ZNF438: variants seen among roughly 807,000 people sequenced by gnomAD.
The protein encoded by ZNF438 is zinc finger protein 438.
Under a neutral mutation model 38.0 loss-of-function variants are expected in ZNF438, and 25 were observed. The observed-to-expected ratio is 0.66, with a 90% CI of 0.48 to 0.92. ZNF438 has a LOEUF of 0.92. ZNF438 is among the 40% of genes least tolerant of loss of function. The pLI is 0.00. For synonymous variants in ZNF438, 372 were observed against 364.1 expected, an observed-to-expected ratio of 1.02 and a Z score of -0.25; for missense variants, 1,007 against 999.6, an observed-to-expected ratio of 1.01 and a Z score of -0.10.
At chr10:30,845,712 T>C (rs2031862669) in intron 5 of ZNF438, 139 bp from the exon 7 acceptor site, 3 of 984,748 alleles carry the variant, frequency 3.0e-6, no homozygotes, top group Non-Finnish European at 4.4e-6. Context: ...AGAGAGCACC[T>C]GGGAAGACCT....
chr10:30,997,914 C>T (rs2054217410), intron 1 of ZNF438, among the ~76,000 whole-genome samples: 1 of 152,014 alleles, frequency 6.6e-6, no homozygotes, highest in Non-Finnish European at 1.5e-5. Flanking sequence ...AAGACAGAGC[C>T]AGAGAGTCTG....
At chr10:30,984,141 A>T (rs1280776018) in intron 1 of ZNF438, among the ~76,000 whole-genome samples, 1 of 152,148 alleles carries the variant, frequency 6.6e-6, no homozygotes, top group African/African-American at 2.4e-5. Flanking sequence ...CATTGTAATT[A>T]TTATACAAAT....
intron 4 of ZNF438, among the ~76,000 whole-genome samples, chr10:30,868,073 AT>A (rs755296203): frequency 3.5e-4 from 52 of 149,624 alleles, no homozygotes; most frequent in East Asian, 3.1e-3. Context: ...TTTTTAAAGA[AT>A]TTTTTTTTTT....
intron 1 of ZNF438, among the ~76,000 whole-genome samples, chr10:30,959,148 A>G (rs2049185641): frequency 6.8e-6 from 1 of 147,434 alleles, no homozygotes; most frequent in Non-Finnish European, 1.5e-5. Flanking sequence ...TGGCTGGACC[A>G]CAGCACTCAG....
intron 1 of ZNF438, among the ~76,000 whole-genome samples, chr10:30,944,969 T>C (rs1178324459): frequency 6.6e-6 from 1 of 152,158 alleles, no homozygotes; most frequent in Non-Finnish European, 1.5e-5. Flanking sequence ...TTTATCAGTT[T>C]TGTTATTCTT....
chr10:31,015,196 A>AT (rs1281025181), intron 1 of ZNF438, among the ~76,000 whole-genome samples: 1 of 152,170 alleles, frequency 6.6e-6, no homozygotes, highest in Non-Finnish European at 1.5e-5. Context: ...TGTCATTATC[A>AT]TAGCTGTCTT....
chr10:30,907,432 G>A (rs2134447635), intron 3 of ZNF438, among the ~76,000 whole-genome samples: 1 of 152,294 alleles, frequency 6.6e-6, no homozygotes, highest in East Asian at 1.9e-4. Flanking sequence ...GTTTGTAAAG[G>A]ATTGGTATTA....
chr10:30,870,939 A>G (rs1488047012), intron 4 of ZNF438, among the ~76,000 whole-genome samples: 1 of 152,236 alleles, frequency 6.6e-6, no homozygotes, highest in Non-Finnish European at 1.5e-5. Flanking sequence ...GAGCCTAAAA[A>G]GAAGCATGTA....
At chr10:30,979,260 G>A (rs188778610) in intron 1 of ZNF438, among the ~76,000 whole-genome samples, 77 of 152,200 alleles carry the variant, frequency 5.1e-4, no homozygotes, top group Non-Finnish European at 6.0e-4. Context: ...TGCAGCTTAC[G>A]GAACAAAAAG....
intron 2 of ZNF438, among the ~76,000 whole-genome samples, chr10:30,938,269 TC>T (rs1349238990): frequency 8.6e-5 from 13 of 151,746 alleles, no homozygotes; most frequent in African/African-American, 3.1e-4. Context: ...GAATATCATT[TC>T]CTCTATAGCT....
At chr10:30,902,113 A>T (rs766554574) in intron 3 of ZNF438, among the ~76,000 whole-genome samples, 1 of 152,166 alleles carries the variant, frequency 6.6e-6, no homozygotes, top group African/African-American at 2.4e-5. Context: ...AAGCTTCCAC[A>T]GTGTGGAAGA....
At chr10:30,898,185 A>G (rs904514028) in intron 3 of ZNF438, among the ~76,000 whole-genome samples, 5 of 152,180 alleles carry the variant, frequency 3.3e-5, no homozygotes, top group African/African-American at 1.2e-4. Flanking sequence ...AATTGGAAAG[A>G]AAAATGACTT....
rs778031047 is a variant in ZNF438, at chr10:30,845,541, AG to A, written c.1906del (p.Leu636PhefsTer2). ...TTTGACTTCGTCTGCCTGGTTTAGA[AG>A]GAAGTCTTCTTCCAGGTTGGACTTG... On this transcript the variant is annotated frameshift_variant, in exon 6 of 6. Coordinates refer to ENST00000413025, the Ensembl canonical transcript of ZNF438. LOFTEE classifies it low-confidence loss of function (END_TRUNC). The A allele has an allele frequency of 1.5e-5, 25 of 1,613,022 alleles. No homozygotes were observed. The highest frequency in any genetic ancestry group is 1.9e-5 in the Non-Finnish European group (23 of 1,179,590).
chr10:30,922,982 A>G (rs186878872), intron 2 of ZNF438, among the ~76,000 whole-genome samples: 36 of 152,338 alleles, frequency 2.4e-4, no homozygotes, highest in African/African-American at 7.7e-4. Context: ...TAAGTGTAAC[A>G]CTCATTTGAT....
At chr10:30,848,799 T>C (rs773532712) in exon 5 of ZNF438, 6 of 1,614,040 alleles carry the variant, frequency 3.7e-6, no homozygotes, top group South Asian at 2.2e-5. Context: ...ATCCGACAAC[T>C]GTAAGGGCGT....
At chr10:30,857,687 A>G in intron 4 of ZNF438, 1 of 1,507,502 alleles carries the variant, frequency 6.6e-7, no homozygotes, top group Non-Finnish European at 8.9e-7. Context: ...TACTATCCAT[A>G]GGACTCTGAG....
chr10:30,880,191 G>A (rs2039021205), intron 3 of ZNF438, among the ~76,000 whole-genome samples: 1 of 152,094 alleles, frequency 6.6e-6, no homozygotes, highest in Non-Finnish European at 1.5e-5. Context: ...AGCACTTTGG[G>A]AGACCAAGGC....
Position 30,845,227 on chromosome 10 carries a change from T to A in ZNF438, c.2221A>T (p.Met741Leu), listed in dbSNP as rs201334392. The change falls in exon 6 of 6, where the codon ATG becomes TTG. Residue 741 changes from methionine (M) to leucine (L), a missense_variant. By Grantham distance (15) the Met-to-Leu change is conservative. Coordinates refer to ENST00000413025, the Ensembl canonical transcript of ZNF438. ...CCTGACTGGGGTCCTTCATTTTCCATGAGCATTTCCACGCCATTCTGATGA... is the reference window on the plus strand; with the variant it reads ...CCTGACTGGGGTCCTTCATTTTCCAAGAGCATTTCCACGCCATTCTGATGA... 2.4e-5 allele frequency: 38 copies of A among 1,614,168 alleles called. No homozygotes were observed. In the East Asian group the frequency reaches 8.2e-4, roughly 35 times the overall value.
At chr10:30,981,811 G>C (rs1341150513) in intron 1 of ZNF438, among the ~76,000 whole-genome samples, 2 of 151,694 alleles carry the variant, frequency 1.3e-5, no homozygotes, top group East Asian at 2.0e-4. Flanking sequence ...CCGGGAGGTG[G>C]AGGTTGCAGC....
Sources: gnomAD v4.1 joint callset for allele counts (sites outside exome capture counted in the v4.1 genomes callset) on GRCh38, gnomAD v4.1.1 for gene constraint, MANE v1.5 for transcripts, NCBI Gene and HGNC (gene_info 2026-07-23, HGNC 2026-07-21) for gene names.